The following CTNNA3 variants were observed in gnomAD, a reference collection of about 807,000 sequenced individuals.
CTNNA3 encodes catenin alpha-3.
CTNNA3 carries 76 observed loss-of-function variants against 95.7 expected under a neutral mutation model. The ratio of observed to expected loss-of-function variants is 0.79; its 90% CI spans 0.66 to 0.96. CTNNA3 has a LOEUF of 0.96. Among genes scored for constraint, CTNNA3 ranks in the 40% least tolerant of loss-of-function variants. The pLI is 0.00. For missense variants in CTNNA3, 1,191 were observed against 1,089.8 expected (o/e 1.09, Z -1.31); for synonymous variants, 431 against 374.4 (o/e 1.15, Z -1.74).
chr10:66,559,955 T>C (rs1014672096), intron 10 of CTNNA3, among the ~76,000 whole-genome samples: 1 of 152,112 alleles, frequency 6.6e-6, no homozygotes, highest in Admixed American at 6.6e-5. Flanking sequence ...CATCATTGTA[T>C]CCTAGTGCTT....
chr10:67,552,241 C>A (rs74142841), intron 3 of CTNNA3, among the ~76,000 whole-genome samples: 230 of 152,316 alleles, frequency 1.5e-3, no homozygotes, highest in African/African-American at 5.2e-3. Flanking sequence ...TAAGTACAAT[C>A]ATTCCTTATT....
At chr10:66,227,375 GTT>G (rs34919798) in intron 13 of CTNNA3, among the ~76,000 whole-genome samples, 1 of 136,442 alleles carries the variant, frequency 7.3e-6, no homozygotes, top group Admixed American at 7.5e-5. Flanking sequence ...GTTAAGAGGT[GTT>G]TTTTTTTTTT....
intron 1 of CTNNA3, among the ~76,000 whole-genome samples, chr10:67,705,097 A>G (rs1463644251): frequency 2.0e-5 from 3 of 152,214 alleles, no homozygotes; most frequent in African/African-American, 7.2e-5. Flanking sequence ...CACACCAGTT[A>G]GAATGGTGAT....
At chr10:66,449,945 T>C (rs1244266087) in intron 11 of CTNNA3, among the ~76,000 whole-genome samples, 2 of 152,134 alleles carry the variant, frequency 1.3e-5, no homozygotes, top group Non-Finnish European at 2.9e-5. Flanking sequence ...GATTTTCAGA[T>C]TGCCTACTGG....
chr10:67,488,058 A>G (rs1848512743), intron 5 of CTNNA3, among the ~76,000 whole-genome samples: 1 of 152,216 alleles, frequency 6.6e-6, no homozygotes, highest in South Asian at 2.1e-4. Flanking sequence ...TGAGGGAGGT[A>G]GATGTTAAGA....
chr10:67,132,567 G>A (rs1439936621), intron 7 of CTNNA3, among the ~76,000 whole-genome samples: 2 of 152,082 alleles, frequency 1.3e-5, no homozygotes, highest in African/African-American at 4.8e-5. Flanking sequence ...AAGTAAATGA[G>A]AGGGATATGG....
chr10:66,802,555 G>T (rs1389075887), intron 7 of CTNNA3, among the ~76,000 whole-genome samples: 1 of 151,752 alleles, frequency 6.6e-6, no homozygotes. Context: ...GTGTTAGATG[G>T]TACCACGTCT....
chr10:66,242,092 C>T (rs983331091), intron 13 of CTNNA3, among the ~76,000 whole-genome samples: 1 of 152,032 alleles, frequency 6.6e-6, no homozygotes, highest in Admixed American at 6.6e-5. Context: ...TGCTCAGCCC[C>T]CCTGCCATGT....
chr10:67,611,469 A>G (rs1374899888), intron 2 of CTNNA3, among the ~76,000 whole-genome samples: 1 of 151,422 alleles, frequency 6.6e-6, no homozygotes, highest in Non-Finnish European at 1.5e-5. Context: ...ACCTGCCACC[A>G]CGCCTGGCTA....
intron 1 of CTNNA3, among the ~76,000 whole-genome samples, chr10:67,704,118 A>T (rs1841062091): frequency 6.6e-6 from 1 of 152,196 alleles, no homozygotes; most frequent in Non-Finnish European, 1.5e-5. Context: ...TGCTCAATGA[A>T]ATAAAAGAGG....
intron 1 of CTNNA3, among the ~76,000 whole-genome samples, chr10:67,685,710 C>T (rs773924310): frequency 3.9e-5 from 6 of 152,194 alleles, no homozygotes; most frequent in Non-Finnish European, 8.8e-5. Context: ...TTAATTTACC[C>T]TGGCTTTTAA....
chr10:66,307,065 T>C (rs774726366), intron 12 of CTNNA3, among the ~76,000 whole-genome samples: 7 of 152,300 alleles, frequency 4.6e-5, no homozygotes, highest in Middle Eastern at 6.8e-3. Context: ...AAGAGCCCTC[T>C]GAATTAGATA....
intron 7 of CTNNA3, among the ~76,000 whole-genome samples, chr10:67,176,676 G>A (rs957236002): frequency 6.6e-6 from 1 of 152,210 alleles, no homozygotes; most frequent in African/African-American, 2.4e-5. Flanking sequence ...AGGGCCTTCA[G>A]ATGGGAGGAT....
At chr10:66,588,151 A>G (rs1843423080) in intron 10 of CTNNA3, among the ~76,000 whole-genome samples, 1 of 151,592 alleles carries the variant, frequency 6.6e-6, no homozygotes, top group African/African-American at 2.4e-5. Context: ...TCACTCGCTA[A>G]ATCAGCTCCA....
chr10:66,456,916 A>C (rs965090896), intron 11 of CTNNA3, among the ~76,000 whole-genome samples: 3 of 152,078 alleles, frequency 2.0e-5, no homozygotes, highest in Admixed American at 1.3e-4. Context: ...TAACATAGTG[A>C]AAACCCATCT....
intron 13 of CTNNA3, among the ~76,000 whole-genome samples, chr10:66,129,466 T>C (rs1347831201): frequency 6.6e-6 from 1 of 152,098 alleles, no homozygotes; most frequent in Non-Finnish European, 1.5e-5. Flanking sequence ...TGGGATTGTC[T>C]GTAGTGCAGC....
At chr10:66,096,920 A>G (rs1263564652) in intron 14 of CTNNA3, among the ~76,000 whole-genome samples, 3 of 152,204 alleles carry the variant, frequency 2.0e-5, no homozygotes, top group African/African-American at 7.2e-5. Flanking sequence ...AAGTTCCACA[A>G]GGAAGAAAAA....
intron 1 of CTNNA3, among the ~76,000 whole-genome samples, chr10:67,658,550 A>C (rs143181878): frequency 1.3e-5 from 2 of 152,206 alleles, no homozygotes; most frequent in African/African-American, 2.4e-5. Flanking sequence ...CTTCAAAATC[A>C]ATAAGGCATA....
intron 13 of CTNNA3, among the ~76,000 whole-genome samples, chr10:66,255,176 G>A (rs1420749697): frequency 6.6e-6 from 1 of 152,142 alleles, no homozygotes; most frequent in Non-Finnish European, 1.5e-5. Context: ...GGTTTGAGCT[G>A]ATCACTCAAA....
Sources: allele counts gnomAD v4.1 joint callset (sites outside exome capture counted in the v4.1 genomes callset), GRCh38; gene constraint gnomAD v4.1.1; transcripts MANE v1.5; gene names NCBI Gene and HGNC (gene_info 2026-07-23, HGNC 2026-07-21).